The following BSND variants were observed in gnomAD, a reference collection of about 807,000 sequenced individuals.
BSND encodes barttin.
Under a neutral mutation model 18.8 loss-of-function variants are expected in BSND, and 13 were observed. That is an observed-to-expected ratio of 0.69 (90% CI 0.45 to 1.10). The LOEUF is 1.10. Among genes scored for constraint, BSND ranks in the 50% least tolerant of loss-of-function variants. The pLI is 0.00. For synonymous variants in BSND, 170 were observed against 161.8 expected (o/e 1.05, Z -0.39); for missense variants, 379 against 416.7 (o/e 0.91, Z 0.79).
rs990123079 is a variant in BSND at position 55,016,493 on chromosome 1, G to A, written c.*7865G>A. 2.8e-4 allele frequency among the ~76,000 whole-genome samples: 42 copies of A among 152,370 alleles called. No individual in the cohort carries two copies. Among genetic ancestry groups the A allele is most frequent in the Middle Eastern group, 3.4e-3 (1 of 294 alleles). On this transcript the variant is annotated 3_prime_UTR_variant, in exon 4 of 4. Coordinates refer to ENST00000651561, the MANE Select transcript of BSND (RefSeq NM_057176.3). ...TCTTTCTGACGTTGCTGATGTGAAT[G>A]GGAGTGGTGGCAGCTTTTCTGTGAG... is the stretch of plus-strand genomic sequence containing the variant.
chr1:55,003,214 C>A (rs1033626332), intron 1 of BSND, among the ~76,000 whole-genome samples: 1 of 151,434 alleles, frequency 6.6e-6, no homozygotes, highest in Non-Finnish European at 1.5e-5. Context: ...TGCCTTATTT[C>A]TTTCCTTTTC....
intron 1 of BSND, among the ~76,000 whole-genome samples, chr1:55,004,588 A>C (rs1644380361): frequency 6.6e-6 from 1 of 152,244 alleles, no homozygotes; most frequent in African/African-American, 2.4e-5. Context: ...CACCCACTGC[A>C]GCCCATGTGG....
intron 2 of BSND, 55 bp downstream of exon 2, chr1:55,005,171 C>A: frequency 6.5e-7 from 1 of 1,530,986 alleles, no homozygotes; most frequent in Non-Finnish European, 9.0e-7. Context: ...GCCAGTCTCC[C>A]CTGACTGAGG....
intron 1 of BSND, among the ~76,000 whole-genome samples, chr1:54,999,779 A>G (rs1162477842): frequency 2.0e-5 from 3 of 152,242 alleles, no homozygotes; most frequent in Non-Finnish European, 4.4e-5. Context: ...TCTGAGGTCC[A>G]GAAAGAGAGG....
chr1:55,006,441 C>T (rs572771310), intron 2 of BSND, among the ~76,000 whole-genome samples: 2 of 152,210 alleles, frequency 1.3e-5, no homozygotes, highest in South Asian at 2.1e-4. Flanking sequence ...CCATGTCACC[C>T]GGGTACAAGT....
chr1:55,007,219 C>T lies in BSND; in HGVS notation c.495C>T (p.His165=), dbSNP rs745352422. 1.2e-6 allele frequency: 2 copies of T among 1,613,912 alleles called. No homozygotes were observed. The highest frequency in any genetic ancestry group is 1.7e-6 in the Non-Finnish European group (2 of 1,179,834). ...QAWMEAAVVI[H]KGSDESEGER... ...GGATGGAGGCTGCCGTGGTCATCCA[C>T]AAGGGCTCAGACGAGAGTGAAGGGG... Residue 165 remains histidine, a synonymous_variant, in exon 3 of 4, where the codon CAC becomes CAT. Coordinates refer to ENST00000651561, the MANE Select transcript of BSND (RefSeq NM_057176.3).
At chr1:55,005,828 A>G (rs528087564) in intron 2 of BSND, among the ~76,000 whole-genome samples, 3 of 151,842 alleles carry the variant, frequency 2.0e-5, no homozygotes, top group Non-Finnish European at 3.0e-5. Flanking sequence ...ACTAGCCCCA[A>G]ACCTCATGGG....
Position 55,008,536 on chromosome 1 carries a change from G to A in BSND, c.871G>A (p.Glu291Lys). ...CACAGGTGGGGAGGAACCTGAGAAG[G>A]AAGAGGAAGACCTGTACTATGGGCT... The part of the protein sequence containing the change: ...SDTGGEEPEK[E>K]EEDLYYGLPD... Residue 291 changes from glutamate (E) to lysine (K), a missense_variant, in exon 4 of 4, where the codon GAA becomes AAA. Coordinates refer to ENST00000651561, the MANE Select transcript of BSND (RefSeq NM_057176.3). 2 of 1,614,210 alleles carry A rather than the reference G, an allele frequency of 1.2e-6. No individual in the cohort carries two copies. The highest frequency in any genetic ancestry group is 1.7e-6 in the Non-Finnish European group (2 of 1,180,036).
rs771232166 is a variant in BSND at position 55,005,106 on chromosome 1, G to C, written c.262G>C (p.Glu88Gln). ...MGLLENGLAA[E>Q]MKSPSPQPPY... Reference sequence around the variant, plus strand: ...CCTGCTGGAGAATGGGCTTGCTGCCGAGATGAAGAGGTAGGTGCCAGGCCC... The same window carrying C: ...CCTGCTGGAGAATGGGCTTGCTGCCCAGATGAAGAGGTAGGTGCCAGGCCC... The change falls in exon 2 of 4, where the codon GAG becomes CAG. Residue 88 changes from glutamate to glutamine, a missense_variant. Transcript: ENST00000651561. 1.4e-5 allele frequency: 23 copies of C among 1,614,018 alleles called. No homozygotes were observed. Among genetic ancestry groups the C allele is most frequent in the African/African-American group, 2.7e-5 (2 of 74,936 alleles).
chr1:55,004,933 C>A, intron 1 of BSND, 89 bp from the exon 2 acceptor site: 1 of 1,227,504 alleles, frequency 8.1e-7, no homozygotes, highest in Non-Finnish European at 1.2e-6. Flanking sequence ...TCTCCCAGAG[C>A]TCATGGAGAG....
rs966854399 is a variant in BSND, at chr1:54,999,046, G to A, written c.-141G>A. On this transcript the variant is annotated 5_prime_UTR_variant, in exon 1 of 4. Coordinates refer to ENST00000651561, the MANE Select transcript of BSND (RefSeq NM_057176.3). ...CCAGGGACTGGAGCGGGATTGAAAGGGATCTTGCTCTCCCTTGAAGCCTTG... is the reference window on the plus strand; with the variant it reads ...CCAGGGACTGGAGCGGGATTGAAAGAGATCTTGCTCTCCCTTGAAGCCTTG... 1.9e-6 allele frequency: 2 copies of A among 1,031,780 alleles called. No homozygotes were observed. Among genetic ancestry groups the A allele is most frequent in the Non-Finnish European group, 2.9e-6 (2 of 700,436 alleles). The allele number at this position is 1,031,780 out of a possible 1,614,324, so 63.9% of individuals were successfully genotyped here. A position where few individuals can be genotyped will look rare whatever the true frequency, so the allele number is the denominator to read the frequency against.
Position 54,999,088 on chromosome 1 carries a change from G to A in BSND, c.-99G>A. ...GAAGCCTTGAGTTGCAGCGATTTCA[G>A]TGTCTTCTCTCCCTGTGTAAGCCTG... On this transcript the variant is annotated 5_prime_UTR_variant, in exon 1 of 4. In the 5' UTR this introduces an upstream ATG that the reference lacks. Transcript: ENST00000651561. The A allele has an allele frequency of 6.9e-7, 1 of 1,448,430 alleles. No individual in the cohort carries two copies. Among genetic ancestry groups the A allele is most frequent in the Non-Finnish European group, 9.6e-7 (1 of 1,045,394 alleles). The allele number at this position is 1,448,430 out of a possible 1,614,324, so 89.7% of individuals were successfully genotyped here.
rs886046424 is a variant in BSND at position 55,008,361 on chromosome 1, G to A, written c.696G>A (p.Arg232=). 20 of 1,614,120 alleles carry A rather than the reference G, an allele frequency of 1.2e-5. No individual in the cohort carries two copies. Among genetic ancestry groups the A allele is most frequent in the Middle Eastern group, 1.6e-4 (1 of 6,084 alleles). Reference sequence around the variant, plus strand: ...CACAACAGGAACCTCAGGGCTGCAGGTGCCCGCTGGACCGCTTCCAAGACT... The same window carrying A: ...CACAACAGGAACCTCAGGGCTGCAGATGCCCGCTGGACCGCTTCCAAGACT... ...CSPQQEPQGC[R]CPLDRFQDFA... Residue 232 remains arginine, a synonymous_variant, in exon 4 of 4, where the codon AGG becomes AGA. Transcript: ENST00000651561.
In BSND at chr1:55,017,088, A is replaced by G. The variant is rs973894700; in HGVS notation, c.*8460A>G. Among the ~76,000 whole-genome samples, 3 of 152,054 alleles carry G rather than the reference A, an allele frequency of 2.0e-5. No homozygotes were observed. Among genetic ancestry groups the G allele is most frequent in the Non-Finnish European group, 4.4e-5 (3 of 68,024 alleles). The stretch of plus-strand genomic sequence containing the variant: ...GACGCTAAGCTCTGTGAAGGCAAGG[A>G]CTCTATTACGTTCATTATTGTGCCC... On this transcript the variant is annotated 3_prime_UTR_variant, in exon 4 of 4. Transcript: ENST00000651561.
rs115047748 is a variant in BSND at position 55,008,977 on chromosome 1, A to G, written c.*349A>G. 1,754 of 390,336 alleles carry G rather than the reference A, an allele frequency of 4.5e-3. 32 individuals carry two copies. Among genetic ancestry groups the G allele is most frequent in the African/African-American group, 0.033 (1,613 of 48,372 alleles). The allele number at this position is 390,336 out of a possible 1,614,324, so 24.2% of individuals were successfully genotyped here. A position where few individuals can be genotyped will look rare whatever the true frequency, so the allele number is the denominator to read the frequency against. ...GGGCCCCTGATCCTTTGTGAAGGCC[A>G]GTCAGGTTTCCCATTCCTATTGTGT... is the stretch of plus-strand genomic sequence containing the variant. On this transcript the variant is annotated 3_prime_UTR_variant, in exon 4 of 4. Coordinates refer to ENST00000651561, the MANE Select transcript of BSND (RefSeq NM_057176.3).
Position 54,999,023 on chromosome 1 carries a change from A to T in BSND, c.-164A>T. On this transcript the variant is annotated 5_prime_UTR_variant, in exon 1 of 4. Transcript: ENST00000651561. ...CCAGCCCTGTTGAACTGGTGGGCCC[A>T]GGGACTGGAGCGGGATTGAAAGGGA... 1.3e-6 allele frequency: 1 copy of T among 796,340 alleles called. No homozygotes were observed. The highest frequency in any genetic ancestry group is 2.0e-6 in the Non-Finnish European group (1 of 504,050). 49.3% of individuals were successfully genotyped at this position (796,340 alleles called of 1,614,324 possible).
At position 55,016,232 on chromosome 1, in the gene BSND, T is replaced by C. The variant is rs1644450741; in HGVS notation, c.*7604T>C. ...TTCCTAACGGAGAGAGAGAGACAGA[T>C]GGAGAGAGAGAGACAGAGAGAGAGA... is the stretch of plus-strand genomic sequence containing the variant. On this transcript the variant is annotated 3_prime_UTR_variant, in exon 4 of 4. Coordinates refer to ENST00000651561, the MANE Select transcript of BSND (RefSeq NM_057176.3). Among the ~76,000 whole-genome samples, 1 of 151,186 alleles carries C rather than the reference T, an allele frequency of 6.6e-6. No homozygotes were observed. Among genetic ancestry groups the C allele is most frequent in the South Asian group, 2.1e-4 (1 of 4,784 alleles).
rs1427342662 is a variant in BSND, at chr1:55,015,441, G to T, written c.*6813G>T. Among the ~76,000 whole-genome samples the T allele has an allele frequency of 6.6e-6, 1 of 152,138 alleles. No individual in the cohort carries two copies. Among genetic ancestry groups the T allele is most frequent in the East Asian group, 1.9e-4 (1 of 5,168 alleles). ...ATGACCCAGGACAAGGGCAAATGAG[G>T]GCCCCAGTGACTCAGGAAGTCCCCA... On this transcript the variant is annotated 3_prime_UTR_variant, in exon 4 of 4. Coordinates refer to ENST00000651561, the MANE Select transcript of BSND (RefSeq NM_057176.3).
chr1:55,001,166 G>A lies in BSND; in HGVS notation c.177+1803G>A, dbSNP rs535125680. On this transcript the variant is annotated intron_variant, in intron 1 of 3. Coordinates refer to ENST00000651561, the MANE Select transcript of BSND (RefSeq NM_057176.3). ...AAGAGTCCCTCCCCCTCAGCTCTGA[G>A]CCTTGTACGGCTGATTGGGAGAACA... is the stretch of plus-strand genomic sequence containing the variant. Among the ~76,000 whole-genome samples the A allele has an allele frequency of 2.0e-5, 3 of 151,934 alleles. No individual in the cohort carries two copies. In the South Asian group the frequency reaches 6.3e-4, roughly 32 times the overall value.
Sources: allele counts gnomAD v4.1 joint callset (sites outside exome capture counted in the v4.1 genomes callset), GRCh38; gene constraint gnomAD v4.1.1; transcripts MANE v1.5; gene names NCBI Gene and HGNC (gene_info 2026-07-23, HGNC 2026-07-21).